Variants in OPN4 observed in about 807,000 individuals in gnomAD.
OPN4 encodes opsin 4.
OPN4 carries 43 observed loss-of-function variants against 49.5 expected under a neutral mutation model. The ratio of observed to expected loss-of-function variants is 0.87; its 90% CI spans 0.68 to 1.12. OPN4 has a LOEUF of 1.12. OPN4 is among the 50% of genes most tolerant of loss of function. The pLI, the probability that OPN4 is intolerant of heterozygous loss-of-function variation, is 0.00. For missense variants in OPN4, 657 were observed against 643.9 expected, an observed-to-expected ratio of 1.02 and a Z score of -0.22; for synonymous variants, 263 against 258.0, an observed-to-expected ratio of 1.02 and a Z score of -0.19.
chr10:86,657,311 G>A, intron 2 of OPN4: 1 of 750,606 alleles, frequency 1.3e-6, no homozygotes, highest in Non-Finnish European at 2.5e-6. Flanking sequence ...ATGAGTGGGA[G>A]CATCTTGTCT....
chr10:86,656,260 G>A lies in OPN4; in HGVS notation c.250G>A (p.Gly84Arg). 1 of 1,613,050 alleles carries A rather than the reference G, an allele frequency of 6.2e-7. No individual in the cohort carries two copies. Among genetic ancestry groups the A allele is most frequent in the East Asian group, 2.2e-5 (1 of 44,858 alleles). The change falls in exon 2 of 10, where the codon GGG becomes AGG. Residue 84 changes from glycine to arginine, a missense_variant. Physicochemically the swap from Gly to Arg is moderately radical, Grantham distance 125. Coordinates refer to ENST00000241891, the MANE Select transcript of OPN4 (RefSeq NM_033282.4). ...AGTGATCTTGCTGGTGGGACTCACG[G>A]GGATGCTGGGCAACCTGACGGTCAT... is the stretch of plus-strand genomic sequence containing the variant. ...GTVILLVGLT[G>R]MLGNLTVIYT...
chr10:86,656,252 G>A lies in OPN4; in HGVS notation c.242G>A (p.Gly81Glu). 1 of 1,613,470 alleles carries A rather than the reference G, an allele frequency of 6.2e-7. No individual in the cohort carries two copies. Residue 81 changes from glycine (G) to glutamate (E), a missense_variant, in exon 2 of 10, where the codon GGA (glycine) becomes GAA (glutamate). Coordinates refer to ENST00000241891, the MANE Select transcript of OPN4 (RefSeq NM_033282.4). ...YTLGTVILLV[G>E]LTGMLGNLTV... ...CTGGGCACAGTGATCTTGCTGGTGGGACTCACGGGGATGCTGGGCAACCTG... is the reference window on the plus strand; with the variant it reads ...CTGGGCACAGTGATCTTGCTGGTGGAACTCACGGGGATGCTGGGCAACCTG...
In OPN4 at chr10:86,663,797, G is replaced by C; in HGVS notation, c.1393G>C (p.Gly465Arg). 1 of 1,552,488 alleles carries C rather than the reference G, an allele frequency of 6.4e-7. No individual in the cohort carries two copies. The highest frequency in any genetic ancestry group is 8.7e-7 in the Non-Finnish European group (1 of 1,148,050). The change falls in exon 9 of 10, where the codon GGG (glycine) becomes CGG (arginine). Residue 465 changes from glycine to arginine, a missense_variant. Gly to Arg is a moderately radical substitution (Grantham distance 125). Coordinates refer to ENST00000241891, the MANE Select transcript of OPN4 (RefSeq NM_033282.4). ...RPQGHEAETP[G>R]KTKGLIPSQD... is the part of the protein sequence containing the mutation. ...CCAGGGACACGAAGCAGAGACTCCA[G>C]GGAAGGTGACTGGGCCCGGTACCTG...
chr10:86,656,674 GT>G (rs1843873317), intron 2 of OPN4, among the ~76,000 whole-genome samples: 1 of 152,148 alleles, frequency 6.6e-6, no homozygotes, highest in South Asian at 2.1e-4. Context: ...GCCAGGCGTG[GT>G]GGCTCCCGCC....
At position 86,661,354 on chromosome 10, in the gene OPN4, C is replaced by A. The variant is rs1274293206; in HGVS notation, c.1039C>A (p.Pro347Thr). The A allele has an allele frequency of 1.2e-6, 2 of 1,613,956 alleles. No homozygotes were observed. Among genetic ancestry groups the A allele is most frequent in the Admixed American group, 1.7e-5 (1 of 59,990 alleles). ...VIAKASAIHN[P>T]IIYAITHPKY... ...CGCCAAGGCCTCTGCAATCCACAAC[C>A]CCATCATTTACGCCATCACCCACCC... is the stretch of plus-strand genomic sequence containing the variant. The change falls in exon 7 of 10, where the codon CCC becomes ACC. Residue 347 changes from proline to threonine, a missense_variant. Coordinates refer to ENST00000241891, the MANE Select transcript of OPN4 (RefSeq NM_033282.4).
At chr10:86,662,139 C>T (rs747123566) in intron 7 of OPN4, 113 bp from the exon 8 acceptor site, 3 of 873,908 alleles carry the variant, frequency 3.4e-6, no homozygotes, top group African/African-American at 1.7e-5. Context: ...TCCCCATTTC[C>T]CCAGAGGCTC....
intron 7 of OPN4, 89 bp from the exon 8 acceptor site, chr10:86,662,163 A>T: frequency 8.6e-7 from 1 of 1,164,958 alleles, no homozygotes; most frequent in Non-Finnish European, 1.2e-6. Flanking sequence ...GTCACCGCAC[A>T]TTAGGCCTGT....
chr10:86,655,595 T>G (rs1473230164), intron 1 of OPN4, among the ~76,000 whole-genome samples: 1 of 152,074 alleles, frequency 6.6e-6, no homozygotes, highest in Non-Finnish European at 1.5e-5. Flanking sequence ...GCCTAAGCTT[T>G]CTTTCTAAAG....
chr10:86,659,404 C>T lies in OPN4; in HGVS notation c.736C>T (p.Leu246Phe), dbSNP rs764699880. ...GCTTCTCTGCTGCTTCGTGTTCTTC[C>T]TCCCTCTGCTTATCATCATCTACTG... The part of the protein sequence containing the change: ...TMLLCCFVFF[L>F]PLLIIIYCYI... Residue 246 changes from leucine (L) to phenylalanine (F), a missense_variant, in exon 5 of 10, where the codon CTC (leucine) becomes TTC (phenylalanine). Coordinates refer to ENST00000241891, the MANE Select transcript of OPN4 (RefSeq NM_033282.4). 6.2e-7 allele frequency: 1 copy of T among 1,614,174 alleles called. No individual in the cohort carries two copies. The highest frequency in any genetic ancestry group is 1.7e-5 in the Admixed American group (1 of 60,028).
chr10:86,657,855 C>A (rs1443863442), intron 2 of OPN4, among the ~76,000 whole-genome samples, 177 bp from the exon 3 acceptor site: 2 of 152,148 alleles, frequency 1.3e-5, no homozygotes, highest in Admixed American at 1.3e-4. Flanking sequence ...CTGGTCCCTG[C>A]CCGACAGTGG....
In OPN4 at chr10:86,660,232, G is replaced by A. The variant is rs553126136; in HGVS notation, c.965+173G>A. On this transcript the variant is annotated intron_variant, in intron 6 of 9. Coordinates refer to ENST00000241891, the MANE Select transcript of OPN4 (RefSeq NM_033282.4). The stretch of plus-strand genomic sequence containing the variant: ...AGGTGCCCAGCCCCGGGGTGGGTGG[G>A]GGGCCACCTAGTTCCTGGAAGCACC... Among the ~76,000 whole-genome samples, 11 of 152,352 alleles carry A rather than the reference G, an allele frequency of 7.2e-5. No homozygotes were observed. In the South Asian group the frequency reaches 2.1e-3, roughly 29 times the overall value.
intron 2 of OPN4, chr10:86,657,117 T>C: frequency 3.9e-6 from 3 of 767,306 alleles, no homozygotes; most frequent in Non-Finnish European, 4.9e-6. Context: ...CACAGCCCCC[T>C]GGCTCTCCCA....
In OPN4 at chr10:86,658,543, ACGGCCATCGCCCT is replaced by A. The variant is rs762704890; in HGVS notation, c.485_497del (p.Thr162ArgfsTer6). ...TGGCATTTCCTCCATGATCACCCTG[ACGGCCATCGCCCT>A]GGACCGCTACCTGGTAATCACACGC... On this transcript the variant is annotated frameshift_variant, in exon 4 of 10. Transcript: ENST00000241891. LOFTEE classifies it high-confidence loss of function. 2 of 1,614,158 alleles carry A rather than the reference ACGGCCATCGCCCT, an allele frequency of 1.2e-6. No individual in the cohort carries two copies. The highest frequency in any genetic ancestry group is 2.2e-5 in the South Asian group (2 of 91,076).
chr10:86,662,282 G>C lies in OPN4; in HGVS notation c.1104G>C (p.Leu368=). ...RVAIAQHLPC[L]GVLLGVSRRH... Reference sequence around the variant, plus strand: ...CCATTGCCCAGCACCTGCCCTGCCTGGGGGTGCTGCTGGGTGTATCACGCC... The same window carrying C: ...CCATTGCCCAGCACCTGCCCTGCCTCGGGGTGCTGCTGGGTGTATCACGCC... Residue 368 remains leucine, a synonymous_variant, in exon 8 of 10, where the codon CTG becomes CTC. Transcript: ENST00000241891. 5.0e-6 allele frequency: 8 copies of C among 1,609,710 alleles called. No individual in the cohort carries two copies. Among genetic ancestry groups the C allele is most frequent in the Non-Finnish European group, 6.8e-6 (8 of 1,179,390 alleles).
rs915385681 is a variant in OPN4 at position 86,657,933 on chromosome 10, T to G, written c.291-99T>G. 14 of 1,267,180 alleles carry G rather than the reference T, an allele frequency of 1.1e-5. No individual in the cohort carries two copies. The Admixed American group carries it at 2.4e-4, about 21-fold the overall frequency. 78.5% of individuals were successfully genotyped at this position (1,267,180 alleles called of 1,614,324 possible). A position where few individuals can be genotyped will look rare whatever the true frequency, so the allele number is the denominator to read the frequency against. ...ATGTGTGTGTGCATGTGTAAGTGTG[T>G]GGCACGTGTGTGCACATGCATACCT... On this transcript the variant is annotated intron_variant, in intron 2 of 9. Coordinates refer to ENST00000241891, the MANE Select transcript of OPN4 (RefSeq NM_033282.4).
Position 86,658,802 on chromosome 10 carries a change from C to T in OPN4, c.628+115C>T, listed in dbSNP as rs1186416035. ...GCGGGAGCAGGGTGCCCAGGAGCTA[C>T]CTGAGCCTCAGGTGAGATGGACATT... is the stretch of plus-strand genomic sequence containing the variant. On this transcript the variant is annotated intron_variant, in intron 4 of 9. Coordinates refer to ENST00000241891, the MANE Select transcript of OPN4 (RefSeq NM_033282.4). 6 of 1,046,276 alleles carry T rather than the reference C, an allele frequency of 5.7e-6. No homozygotes were observed. The Admixed American group carries it at 1.2e-4, about 21-fold the overall frequency. 64.8% of individuals were successfully genotyped at this position (1,046,276 alleles called of 1,614,324 possible).
rs1844181068 is a variant in OPN4, at chr10:86,666,442, G to A, written c.*691G>A. 1 of 233,822 alleles carries A rather than the reference G, an allele frequency of 4.3e-6. No homozygotes were observed. The highest frequency in any genetic ancestry group is 6.3e-5 in the South Asian group (1 of 15,970). The allele number at this position is 233,822 out of a possible 1,614,324, so 14.5% of individuals were successfully genotyped here. ...AGGGTATAGGAAAATAAAAAGCGGAGAAGGTGTCTTCAGACAAATATGGTC... is the reference window on the plus strand; with the variant it reads ...AGGGTATAGGAAAATAAAAAGCGGAAAAGGTGTCTTCAGACAAATATGGTC... On this transcript the variant is annotated 3_prime_UTR_variant, in exon 10 of 10. Coordinates refer to ENST00000241891, the MANE Select transcript of OPN4 (RefSeq NM_033282.4).
In OPN4 at chr10:86,662,392, T is replaced by C; in HGVS notation, c.1214T>C (p.Ile405Thr). ...ACCTCCAACCTCAGCTGGATCTCCA[T>C]ACGGAGGCGCCAGGAGTCCCTGGGC... Reference protein sequence around the residue: ...SHTSNLSWISIRRRQESLGSE... With the variant: ...SHTSNLSWISTRRRQESLGSE... The change falls in exon 8 of 10, where the codon ATA becomes ACA. Residue 405 changes from isoleucine (I) to threonine (T), a missense_variant. By Grantham distance (89) the Ile-to-Thr change is moderately conservative. Transcript: ENST00000241891. The C allele has an allele frequency of 2.6e-6, 4 of 1,568,524 alleles. No homozygotes were observed. Among genetic ancestry groups the C allele is most frequent in the Non-Finnish European group, 3.5e-6 (4 of 1,157,840 alleles).
In OPN4 at chr10:86,663,412, C is replaced by T. The variant is rs539799769; in HGVS notation, c.1255-247C>T. Among the ~76,000 whole-genome samples the T allele has an allele frequency of 4.5e-4, 68 of 152,230 alleles. 1 individual carries two copies. The highest frequency in any genetic ancestry group is 8.4e-4 in the Non-Finnish European group (57 of 68,048). On this transcript the variant is annotated intron_variant, in intron 8 of 9. Transcript: ENST00000241891. ...CCATCTATTCAAAAATATAAATAGCCACTTTCTTAGCAAGGTGTGCCGGTG... is the reference window on the plus strand; with the variant it reads ...CCATCTATTCAAAAATATAAATAGCTACTTTCTTAGCAAGGTGTGCCGGTG...
Sources: allele counts gnomAD v4.1 joint callset (sites outside exome capture counted in the v4.1 genomes callset), GRCh38; gene constraint gnomAD v4.1.1; transcripts MANE v1.5; gene names NCBI Gene and HGNC (gene_info 2026-07-23, HGNC 2026-07-21).